The following PAFAH1B1 variants were observed in gnomAD, a reference collection of about 807,000 sequenced individuals.
PAFAH1B1 encodes platelet-activating factor acetylhydrolase IB subunit beta.
PAFAH1B1 carries 2 observed loss-of-function variants against 57.5 expected under a neutral mutation model. That is an observed-to-expected ratio of 0.03 (90% CI 0.01 to 0.11). PAFAH1B1 has a LOEUF of 0.11. Among genes scored for constraint, PAFAH1B1 ranks in the 10% least tolerant of loss-of-function variants. The pLI is 1.00. For missense variants in PAFAH1B1, 257 were observed against 512.0 expected (o/e 0.50, Z 4.81); for synonymous variants, 152 against 169.6 (o/e 0.90, Z 0.81).
intron 2 of PAFAH1B1, among the ~76,000 whole-genome samples, chr17:2,647,587 T>G (rs1442292894): frequency 2.6e-5 from 4 of 152,104 alleles, no homozygotes; most frequent in Non-Finnish European, 4.4e-5. Flanking sequence ...GAACTCAGAT[T>G]AAACATACTA....
At chr17:2,646,230 A>C (rs2068766573) in intron 2 of PAFAH1B1, among the ~76,000 whole-genome samples, 1 of 152,160 alleles carries the variant, frequency 6.6e-6, no homozygotes. Flanking sequence ...TTTTAAAAAG[A>C]CCAGTAAAAT....
rs2068743254 is a variant in PAFAH1B1 at position 2,644,660 on chromosome 17, TG to T, written c.32+6341del. 2.0e-5 allele frequency among the ~76,000 whole-genome samples: 3 copies of T among 152,220 alleles called. No individual in the cohort carries two copies. In the South Asian group the frequency reaches 6.2e-4, roughly 32 times the overall value. On this transcript the variant is annotated intron_variant, in intron 2 of 10. Coordinates refer to ENST00000397195, the MANE Select transcript of PAFAH1B1 (RefSeq NM_000430.4). ...TATATTTAGGTAGTTTTCAATATTT[TG>T]TAACTCCAAATAATACTGTAATACA...
chr17:2,675,325 A>G (rs2069245308), intron 8 of PAFAH1B1, among the ~76,000 whole-genome samples: 1 of 152,200 alleles, frequency 6.6e-6, no homozygotes, highest in Non-Finnish European at 1.5e-5. Context: ...TGACAGAGGC[A>G]TTCCTATCAT....
At chr17:2,680,782 A>T (rs1434036300) in intron 10 of PAFAH1B1, 1 of 239,100 alleles carries the variant, frequency 4.2e-6, no homozygotes, top group Admixed American at 5.2e-5. Context: ...AGTCAAGTAT[A>T]ATAAATGCAC....
At chr17:2,655,880 G>GT (rs986750356) in intron 2 of PAFAH1B1, among the ~76,000 whole-genome samples, 3 of 152,112 alleles carry the variant, frequency 2.0e-5, no homozygotes, top group Admixed American at 2.0e-4. Flanking sequence ...TCTGTGTGGA[G>GT]TTGGAGGTCA....
In PAFAH1B1 at chr17:2,666,038, A is replaced by T. The variant is rs768437076; in HGVS notation, c.140A>T (p.Tyr47Phe). ...TAGAATGAAGAATTAGATAAAAAGTATGCTGGTCTTTTGGAAAAAAAATGG... is the reference window on the plus strand; with the variant it reads ...TAGAATGAAGAATTAGATAAAAAGTTTGCTGGTCTTTTGGAAAAAAAATGG... Reference protein sequence around the residue: ...LDVNEELDKKYAGLLEKKWTS... With the variant: ...LDVNEELDKKFAGLLEKKWTS... The change falls in exon 4 of 11, where the codon TAT becomes TTT. Residue 47 changes from tyrosine (Y) to phenylalanine (F), a missense_variant. Transcript: ENST00000397195. The T allele has an allele frequency of 6.6e-7, 1 of 1,521,454 alleles. No homozygotes were observed. Among genetic ancestry groups the T allele is most frequent in the Middle Eastern group, 2.2e-4 (1 of 4,534 alleles). 94.2% of individuals were successfully genotyped at this position (1,521,454 alleles called of 1,614,324 possible). A position where few individuals can be genotyped will look rare whatever the true frequency, so the allele number is the denominator to read the frequency against.
At chr17:2,613,456 T>G in intron 1 of PAFAH1B1, 2 of 240,212 alleles carry the variant, frequency 8.3e-6, no homozygotes, top group Non-Finnish European at 8.5e-6. Flanking sequence ...GGGCCCGCAG[T>G]GTTGGTGGCT....
intron 1 of PAFAH1B1, among the ~76,000 whole-genome samples, chr17:2,598,173 C>T (rs971292621): frequency 1.3e-5 from 2 of 151,908 alleles, no homozygotes; most frequent in East Asian, 1.9e-4. Flanking sequence ...TGCTTGAACC[C>T]GGGAGGTGGA....
intron 9 of PAFAH1B1, among the ~76,000 whole-genome samples, chr17:2,677,631 G>C (rs1481326806): frequency 2.6e-5 from 4 of 152,164 alleles, no homozygotes; most frequent in Non-Finnish European, 5.9e-5. Context: ...GAGGCGAGCA[G>C]ATCACGAGGT....
chr17:2,593,356 G>C (rs565284096), upstream of PAFAH1B1: 1 of 152,810 alleles, frequency 6.5e-6, no homozygotes, highest in South Asian at 2.1e-4. Flanking sequence ...GTTCAGAAGG[G>C]GCCGCAAGTC....
chr17:2,618,338 C>T (rs1442537259), intron 1 of PAFAH1B1, among the ~76,000 whole-genome samples: 2 of 152,152 alleles, frequency 1.3e-5, no homozygotes, highest in Non-Finnish European at 2.9e-5. Flanking sequence ...ATACAGAGCA[C>T]ACGATACTTC....
chr17:2,680,948 GC>G (rs773327674), intron 10 of PAFAH1B1: 2 of 163,556 alleles, frequency 1.2e-5, no homozygotes, highest in South Asian at 3.2e-4. Context: ...TTAGATTTGA[GC>G]CCTGCTGTGC....
intron 1 of PAFAH1B1, among the ~76,000 whole-genome samples, chr17:2,611,403 G>A (rs952393279): frequency 1.3e-5 from 2 of 151,850 alleles, no homozygotes; most frequent in Non-Finnish European, 2.9e-5. Context: ...GGGAGGCAGA[G>A]GTTGCAGTGA....
chr17:2,652,247 A>T (rs539130335), intron 2 of PAFAH1B1, among the ~76,000 whole-genome samples: 2 of 151,860 alleles, frequency 1.3e-5, no homozygotes, highest in African/African-American at 4.8e-5. Flanking sequence ...CGTCTCTACT[A>T]AAAATACAAA....
chr17:2,616,762 A>G (rs920165183), intron 1 of PAFAH1B1, among the ~76,000 whole-genome samples: 5 of 152,150 alleles, frequency 3.3e-5, no homozygotes, highest in Admixed American at 6.6e-5. Flanking sequence ...TTTGGGACTT[A>G]TGGTGAAAGG....
At chr17:2,593,504 G>T (rs992722238), upstream of PAFAH1B1, among the ~76,000 whole-genome samples, 3 of 151,254 alleles carry the variant, frequency 2.0e-5, no homozygotes, top group African/African-American at 4.8e-5. Flanking sequence ...AAGGCAGCGC[G>T]GCCCCGGCCC....
At chr17:2,671,175 TC>T (rs1293966949) in intron 6 of PAFAH1B1, among the ~76,000 whole-genome samples, 1 of 152,050 alleles carries the variant, frequency 6.6e-6, no homozygotes, top group African/African-American at 2.4e-5. Flanking sequence ...TTACAGGAAT[TC>T]CACGCATGAA....
At chr17:2,677,729 C>T (rs937505672) in intron 9 of PAFAH1B1, among the ~76,000 whole-genome samples, 3 of 151,718 alleles carry the variant, frequency 2.0e-5, no homozygotes, top group African/African-American at 7.3e-5. Context: ...TGGCGGGTGC[C>T]TGTAGTCCCA....
intron 1 of PAFAH1B1, among the ~76,000 whole-genome samples, chr17:2,634,853 G>A (rs991841000): frequency 6.6e-6 from 1 of 152,052 alleles, no homozygotes; most frequent in African/African-American, 2.4e-5. Flanking sequence ...CCAGTAGACT[G>A]TAACTTCTTG....
Sources: gnomAD v4.1 joint callset for allele counts (sites outside exome capture counted in the v4.1 genomes callset) on GRCh38, gnomAD v4.1.1 for gene constraint, MANE v1.5 for transcripts, NCBI Gene and HGNC (gene_info 2026-07-23, HGNC 2026-07-21) for gene names.